Variants in ZC3H6 observed in about 807,000 individuals in gnomAD.
ZC3H6 encodes the protein zinc finger CCCH domain-containing protein 6.
Under a neutral mutation model 107.7 loss-of-function variants are expected in ZC3H6, and 40 were observed. That is an observed-to-expected ratio of 0.37 (90% confidence interval 0.29 to 0.48). ZC3H6 has a LOEUF of 0.48. Among genes scored for constraint, ZC3H6 ranks in the 20% least tolerant of loss-of-function variants. ZC3H6 has a pLI of 0.98. For missense variants in ZC3H6, 1,267 were observed against 1,410.4 expected (o/e 0.90, Z 1.63); for synonymous variants, 493 against 487.9 (o/e 1.01, Z -0.14).
chr2:112,315,299 A>G (rs905438137), intron 5 of ZC3H6, among the ~76,000 whole-genome samples: 1 of 152,188 alleles, frequency 6.6e-6, no homozygotes, highest in African/African-American at 2.4e-5. Flanking sequence ...AGAAGTAAGG[A>G]AAACAAGTAG....
chr2:112,322,940 T>C (rs1190443452), intron 9 of ZC3H6, 38 bp downstream of exon 9: 1 of 1,540,698 alleles, frequency 6.5e-7, no homozygotes, highest in Non-Finnish European at 8.7e-7. Flanking sequence ...CAAATATTTT[T>C]TTCTGAAAAT....
intron 3 of ZC3H6, among the ~76,000 whole-genome samples, chr2:112,306,870 C>G (rs1353066503): frequency 1.3e-5 from 2 of 152,174 alleles, no homozygotes; most frequent in South Asian, 2.1e-4. Context: ...GCTGTTGGAT[C>G]TCTCACCTGG....
intron 1 of ZC3H6, among the ~76,000 whole-genome samples, chr2:112,276,831 CTT>C (rs1317105936): frequency 1.2e-4 from 19 of 152,088 alleles, no homozygotes; most frequent in Non-Finnish European, 2.4e-4. Context: ...TCGTATATAT[CTT>C]TAATAATGCG....
rs761113433 is a variant in ZC3H6 at position 112,325,020 on chromosome 2, C to T, written c.1909C>T (p.Pro637Ser). The T allele has an allele frequency of 3.1e-6, 5 of 1,613,062 alleles. No homozygotes were observed. In the African/African-American group the frequency reaches 4.0e-5, roughly 13 times the overall value. ...QQQPPVVQDS[P>S]NHGSGSDGSS... is the part of the protein sequence containing the mutation. ...GCAGCCTCCTGTTGTTCAAGACTCA[C>T]CTAACCATGGGAGTGGGTCTGATGG... The change falls in exon 11 of 12, where the codon CCT becomes TCT. Residue 637 changes from proline (P) to serine (S), a missense_variant. This residue lies in a region of ZC3H6 where 925 missense variants were observed against 1,025.7 expected (regional missense o/e 0.90). Transcript: ENST00000409871.
rs961851538 is a variant in ZC3H6 at position 112,308,763 on chromosome 2, C to T, written c.337-1122C>T. Among the ~76,000 whole-genome samples the T allele has an allele frequency of 4.0e-5, 6 of 150,192 alleles. No homozygotes were observed. The South Asian group carries it at 1.1e-3, about 27-fold the overall frequency. On this transcript the variant is annotated intron_variant, in intron 3 of 11. Transcript: ENST00000409871. ...GTATTTTAATATCACATTTAAAATGCACTAACCTGGCCAGGCACAGTGGGT... is the reference window on the plus strand; with the variant it reads ...GTATTTTAATATCACATTTAAAATGTACTAACCTGGCCAGGCACAGTGGGT...
chr2:112,285,530 T>C (rs566674036), intron 1 of ZC3H6, among the ~76,000 whole-genome samples: 2 of 152,122 alleles, frequency 1.3e-5, no homozygotes, highest in East Asian at 3.9e-4. Context: ...CTAATTTTTG[T>C]ATTTTTTGGT....
rs1573968636 is a variant in ZC3H6, at chr2:112,333,341, A to C, written c.*853A>C. The C allele has an allele frequency of 6.6e-6, 1 of 152,610 alleles. No homozygotes were observed. Among genetic ancestry groups the C allele is most frequent in the East Asian group, 1.9e-4 (1 of 5,204 alleles). The allele number at this position is 152,610 out of a possible 1,614,324, so 9.5% of individuals were successfully genotyped here. On this transcript the variant is annotated 3_prime_UTR_variant, in exon 12 of 12. Transcript: ENST00000409871. ...ATCATGACTTTGGCGATTTTTAACAAAATTTTTAAAGACCCAGTGAGAGTC... is the reference window on the plus strand; with the variant it reads ...ATCATGACTTTGGCGATTTTTAACACAATTTTTAAAGACCCAGTGAGAGTC...
chr2:112,332,224 C>T lies in ZC3H6; in HGVS notation c.3306C>T (p.Asn1102=), dbSNP rs753895466. 2.0e-5 allele frequency: 33 copies of T among 1,613,876 alleles called. No homozygotes were observed. The highest frequency in any genetic ancestry group is 5.5e-5 in the South Asian group (5 of 91,084). Residue 1102 remains asparagine (N), a synonymous_variant, in exon 12 of 12, where the codon AAC becomes AAT. Transcript: ENST00000409871. ...TCCTTCCACAAAAACCCAGTCCAAA[C>T]GTGGGAGTCACTCTTGAGGGGCCAG... The part of the protein sequence containing the change: ...EAILPQKPSP[N]VGVTLEGPAD...
At position 112,299,833 on chromosome 2, in the gene ZC3H6, A is replaced by C; in HGVS notation, c.33-16A>C. On this transcript the variant is annotated splice_polypyrimidine_tract_variant and intron_variant, in intron 1 of 11. Coordinates refer to ENST00000409871, the MANE Select transcript of ZC3H6 (RefSeq NM_198581.3). Reference sequence around the variant, plus strand: ...TTTTAGAATGATATTTGAAAATTAAAATTTTCCTTCTATAGAGAAGATGGC... The same window carrying C: ...TTTTAGAATGATATTTGAAAATTAACATTTTCCTTCTATAGAGAAGATGGC... 7.3e-7 allele frequency: 1 copy of C among 1,368,512 alleles called. No individual in the cohort carries two copies. The allele number at this position is 1,368,512 out of a possible 1,614,324, so 84.8% of individuals were successfully genotyped here. A position where few individuals can be genotyped will look rare whatever the true frequency, so the allele number is the denominator to read the frequency against.
intron 11 of ZC3H6, among the ~76,000 whole-genome samples, chr2:112,330,205 A>G (rs566848439): frequency 5.1e-4 from 78 of 151,914 alleles, no homozygotes; most frequent in African/African-American, 1.8e-3. Flanking sequence ...TGTGCCCGCC[A>G]CCGTGCACGG....
rs2104730000 is a variant in ZC3H6 at position 112,333,904 on chromosome 2, ACACT to A, written c.*1420_*1423del. ...CAGTAAAATATTTCGTGGGAACCTA[ACACT>A]CACATAGCATATGGTTTATTAATAA... On this transcript the variant is annotated 3_prime_UTR_variant, in exon 12 of 12. Coordinates refer to ENST00000409871, the MANE Select transcript of ZC3H6 (RefSeq NM_198581.3). The A allele has an allele frequency of 6.6e-6, 1 of 152,238 alleles. No homozygotes were observed. Among genetic ancestry groups the A allele is most frequent in the South Asian group, 2.1e-4 (1 of 4,826 alleles). 9.4% of individuals were successfully genotyped at this position (152,238 alleles called of 1,614,324 possible). A position where few individuals can be genotyped will look rare whatever the true frequency, so the allele number is the denominator to read the frequency against.
intron 9 of ZC3H6, among the ~76,000 whole-genome samples, chr2:112,323,766 G>T (rs1296747139): frequency 6.6e-6 from 1 of 152,184 alleles, no homozygotes; most frequent in Non-Finnish European, 1.5e-5. Flanking sequence ...ATTATAAAAA[G>T]TTGGATGTTT....
chr2:112,324,529 C>T lies in ZC3H6; in HGVS notation c.1718C>T (p.Ser573Leu), dbSNP rs1261400385. The change falls in exon 10 of 12, where the codon TCA (serine) becomes TTA (leucine). Residue 573 changes from serine (S) to leucine (L), a missense_variant. By Grantham distance (145) the Ser-to-Leu change is moderately radical. Around this residue, in one of 3 missense-constraint regions of ZC3H6, gnomAD observed 925 missense variants for 1,025.7 expected, o/e 0.90. Coordinates refer to ENST00000409871, the MANE Select transcript of ZC3H6 (RefSeq NM_198581.3). ...AGAGAGAATCACTGTTCTCCAGGTTCATCATACCAGCAAAGTCCTGGTGAA... is the reference window on the plus strand; with the variant it reads ...AGAGAGAATCACTGTTCTCCAGGTTTATCATACCAGCAAAGTCCTGGTGAA... ...VPRENHCSPG[S>L]SYQQSPGEMQ... is the part of the protein sequence containing the mutation. 4 of 1,612,898 alleles carry T rather than the reference C, an allele frequency of 2.5e-6. No homozygotes were observed. Among genetic ancestry groups the T allele is most frequent in the Non-Finnish European group, 3.4e-6 (4 of 1,179,418 alleles).
intron 1 of ZC3H6, among the ~76,000 whole-genome samples, chr2:112,288,782 C>T (rs182502657): frequency 1.1e-4 from 16 of 152,254 alleles, no homozygotes; most frequent in Non-Finnish European, 1.6e-4. Flanking sequence ...TTGCCAGAAC[C>T]GTGGGTCTTC....
Position 112,334,433 on chromosome 2 carries a change from A to G in ZC3H6, c.*1945A>G, listed in dbSNP as rs946047785. 2 of 152,142 alleles carry G rather than the reference A, an allele frequency of 1.3e-5. No homozygotes were observed. The highest frequency in any genetic ancestry group is 2.4e-5 in the African/African-American group (1 of 41,460). 9.4% of individuals were successfully genotyped at this position (152,142 alleles called of 1,614,324 possible). A position where few individuals can be genotyped will look rare whatever the true frequency, so the allele number is the denominator to read the frequency against. On this transcript the variant is annotated 3_prime_UTR_variant, in exon 12 of 12. Coordinates refer to ENST00000409871, the MANE Select transcript of ZC3H6 (RefSeq NM_198581.3). ...TACAAAAAAGATAATTTGGCTTGCT[A>G]AACATCAAAATAGAATCCAAACTCT...
chr2:112,282,136 T>A (rs1346311449), intron 1 of ZC3H6, among the ~76,000 whole-genome samples: 1 of 152,234 alleles, frequency 6.6e-6, no homozygotes, highest in African/African-American at 2.4e-5. Context: ...ATTTAGGAGA[T>A]CTGCCTCACT....
At chr2:112,300,494 C>G (rs1676351622) in intron 2 of ZC3H6, among the ~76,000 whole-genome samples, 1 of 152,180 alleles carries the variant, frequency 6.6e-6, no homozygotes, top group Non-Finnish European at 1.5e-5. Context: ...TGTGAGCCAC[C>G]ACACCGGGCT....
rs751904879 is a variant in ZC3H6 at position 112,332,347 on chromosome 2, A to G, written c.3429A>G (p.Pro1143=). ...PVQALTGLIR[P]QYSDPRQARQ... ...AGGCATTAACAGGCTTAATTAGGCC[A>G]CAGTACAGTGATCCAAGGCAGGCAA... Residue 1143 remains proline, a synonymous_variant, in exon 12 of 12, where the codon CCA becomes CCG. Coordinates refer to ENST00000409871, the MANE Select transcript of ZC3H6 (RefSeq NM_198581.3). 1.2e-6 allele frequency: 2 copies of G among 1,613,888 alleles called. 1 individual carries two copies. The highest frequency in any genetic ancestry group is 2.2e-5 in the South Asian group (2 of 91,078).
At chr2:112,287,831 T>A (rs1009472696) in intron 1 of ZC3H6, among the ~76,000 whole-genome samples, 3 of 152,266 alleles carry the variant, frequency 2.0e-5, no homozygotes, top group African/African-American at 7.2e-5. Flanking sequence ...CTAGATCTCC[T>A]GACCTCGTGA....
Sources: gnomAD v4.1 joint callset for allele counts (sites outside exome capture counted in the v4.1 genomes callset) on GRCh38, gnomAD v4.1.1 for gene constraint, gnomAD v4.1.1 regional missense constraint, MANE v1.5 for transcripts, NCBI Gene and HGNC (gene_info 2026-07-23, HGNC 2026-07-21) for gene names.